Variants in TFCP2L1 observed in about 807,000 individuals in gnomAD.
TFCP2L1 encodes the protein transcription factor CP2-like protein 1.
A neutral mutation model predicts 72.2 loss-of-function variants in TFCP2L1; 12 were observed. The ratio of observed to expected loss-of-function variants is 0.17; its 90% CI spans 0.11 to 0.27. TFCP2L1 has a LOEUF of 0.27. TFCP2L1 is among the 10% of genes least tolerant of loss of function. The pLI, the probability that TFCP2L1 is intolerant of heterozygous loss-of-function variation, is 1.00. For missense variants in TFCP2L1, 488 were observed against 624.6 expected, an observed-to-expected ratio of 0.78 and a Z score of 2.33; for synonymous variants, 260 against 251.0, an observed-to-expected ratio of 1.04 and a Z score of -0.34.
In TFCP2L1 at chr2:121,235,398, G is replaced by A. The variant is rs1316054102; in HGVS notation, c.1004-87C>T. ...AACCAGCTGCAGACCCCATAGCACT[G>A]GGGGTGGGGGGTGGGGAAGAGCCAG... On this transcript the variant is annotated intron_variant, in intron 10 of 14. Coordinates refer to ENST00000263707, the MANE Select transcript of TFCP2L1 (RefSeq NM_014553.3). The A allele has an allele frequency of 4.8e-6, 6 of 1,261,202 alleles. No homozygotes were observed. The East Asian group carries it at 7.1e-5, about 15-fold the overall frequency. 78.1% of individuals were successfully genotyped at this position (1,261,202 alleles called of 1,614,324 possible).
chr2:121,283,538 C>A (rs775589435), intron 1 of TFCP2L1, among the ~76,000 whole-genome samples: 1 of 152,184 alleles, frequency 6.6e-6, no homozygotes, highest in Non-Finnish European at 1.5e-5. Flanking sequence ...TCACCCTCCT[C>A]CTTTCACCAA....
chr2:121,240,788 A>G, intron 7 of TFCP2L1: 1 of 963,112 alleles, frequency 1.0e-6, no homozygotes, highest in South Asian at 4.8e-5. Flanking sequence ...TCTGGCCTCT[A>G]ATCCATAAAT....
chr2:121,284,472 C>G lies in TFCP2L1; in HGVS notation c.62+576G>C, dbSNP rs1435428266. Among the ~76,000 whole-genome samples, 4 of 152,248 alleles carry G rather than the reference C, an allele frequency of 2.6e-5. No individual in the cohort carries two copies. In the East Asian group the frequency reaches 7.7e-4, roughly 29 times the overall value. On this transcript the variant is annotated intron_variant, in intron 1 of 14. Coordinates refer to ENST00000263707, the MANE Select transcript of TFCP2L1 (RefSeq NM_014553.3). Reference sequence around the variant, plus strand: ...AATCCCTCCAGCAGAAGAAAGATTTCCATCAAGGGCAATAACCACGCGGGC... The same window carrying G: ...AATCCCTCCAGCAGAAGAAAGATTTGCATCAAGGGCAATAACCACGCGGGC...
At chr2:121,274,639 A>G (rs946791131) in intron 2 of TFCP2L1, among the ~76,000 whole-genome samples, 1 of 152,186 alleles carries the variant, frequency 6.6e-6, no homozygotes, top group Non-Finnish European at 1.5e-5. Flanking sequence ...GAAAAGGGGT[A>G]TTCTTCAGCC....
chr2:121,228,772 CA>C (rs59300568), intron 13 of TFCP2L1, among the ~76,000 whole-genome samples: 13,025 of 55,504 alleles, frequency 0.23, 98 homozygotes, highest in South Asian at 0.37. Context: ...CCGTGACTCA[CA>C]AAAAAAAAAA....
chr2:121,233,013 C>A lies in TFCP2L1; in HGVS notation c.1199-1045G>T, dbSNP rs1686176279. 2.6e-5 allele frequency among the ~76,000 whole-genome samples: 4 copies of A among 152,234 alleles called. No homozygotes were observed. The South Asian group carries it at 8.3e-4, about 32-fold the overall frequency. On this transcript the variant is annotated intron_variant, in intron 12 of 14. Transcript: ENST00000263707. The stretch of plus-strand genomic sequence containing the variant: ...TTGGTTCAACAAACCTCATCAGAGG[C>A]CCAATATTTTAAAAGCACACACAGG...
At chr2:121,235,872 C>T (rs760956578) in intron 10 of TFCP2L1, among the ~76,000 whole-genome samples, 1 of 152,094 alleles carries the variant, frequency 6.6e-6, no homozygotes, top group Non-Finnish European at 1.5e-5. Context: ...TCAGAGCCAG[C>T]AGTGAAACAT....
intron 2 of TFCP2L1, among the ~76,000 whole-genome samples, chr2:121,267,938 T>C (rs922469763): frequency 1.3e-5 from 2 of 152,158 alleles, no homozygotes; most frequent in African/African-American, 4.8e-5. Context: ...CCCAGCACTG[T>C]GGAAGGCCAA....
rs747077081 is a variant in TFCP2L1, at chr2:121,237,842, G to T, written c.869C>A (p.Ser290Tyr). 6.2e-7 allele frequency: 1 copy of T among 1,614,090 alleles called. No individual in the cohort carries two copies. The highest frequency in any genetic ancestry group is 8.5e-7 in the Non-Finnish European group (1 of 1,180,012). Residue 290 changes from serine to tyrosine, a missense_variant, in exon 9 of 15, where the codon TCT becomes TAT. Physicochemically the swap from Ser to Tyr is moderately radical, Grantham distance 144. This residue lies in a region of TFCP2L1 where 286 missense variants were observed against 329.0 expected (regional missense o/e 0.87). Transcript: ENST00000263707. Reference sequence around the variant, plus strand: ...CAGGGCCTCCACCGGGTGGGTCGGAGAGGCGTTGCTGCAAGGAAAAGGAAC... The same window carrying T: ...CAGGGCCTCCACCGGGTGGGTCGGATAGGCGTTGCTGCAAGGAAAAGGAAC... The part of the protein sequence containing the change: ...NSFGLGEGNA[S>Y]PTHPVEALPV...
At chr2:121,266,414 C>T (rs958521398) in intron 2 of TFCP2L1, among the ~76,000 whole-genome samples, 4 of 152,138 alleles carry the variant, frequency 2.6e-5, no homozygotes, top group Non-Finnish European at 4.4e-5. Context: ...TAAATCATAA[C>T]CCTATTTCTG....
At chr2:121,241,052 G>C (rs1686356495) in intron 7 of TFCP2L1, among the ~76,000 whole-genome samples, 1 of 152,218 alleles carries the variant, frequency 6.6e-6, no homozygotes, top group South Asian at 2.1e-4. Context: ...GCCGGCAGGG[G>C]CCTTACCACA....
intron 5 of TFCP2L1, 116 bp downstream of exon 5, chr2:121,248,048 T>C: frequency 1.4e-6 from 1 of 740,180 alleles, no homozygotes; most frequent in Non-Finnish European, 2.2e-6. Context: ...TCCTTCCCAG[T>C]GACAGGGAGC....
chr2:121,273,214 C>T (rs1462778008), intron 2 of TFCP2L1, among the ~76,000 whole-genome samples: 1 of 151,278 alleles, frequency 6.6e-6, no homozygotes, highest in Admixed American at 6.6e-5. Context: ...CACCGCAAGT[C>T]ATTTTTGCAA....
intron 2 of TFCP2L1, among the ~76,000 whole-genome samples, chr2:121,266,431 C>A (rs1012868212): frequency 2.0e-5 from 3 of 152,166 alleles, no homozygotes; most frequent in African/African-American, 7.2e-5. Context: ...TCTGCAGTTA[C>A]CAGAGCAAGG....
intron 2 of TFCP2L1, among the ~76,000 whole-genome samples, chr2:121,262,397 G>A (rs773188623): frequency 2.0e-5 from 3 of 152,086 alleles, no homozygotes; most frequent in East Asian, 1.9e-4. Flanking sequence ...CCCGGGAGGC[G>A]AGGCTGCAGT....
rs929046519 is a variant in TFCP2L1, at chr2:121,285,169, C to G, written c.-60G>C. On this transcript the variant is annotated 5_prime_UTR_variant, in exon 1 of 15. Coordinates refer to ENST00000263707, the MANE Select transcript of TFCP2L1 (RefSeq NM_014553.3). ...CAGCAAGCGCAGACGCGGGGCGCGC[C>G]GAGGACCCAGCGGCGGCTTCGCGCT... The G allele has an allele frequency of 6.5e-6, 9 of 1,375,854 alleles. No homozygotes were observed. The highest frequency in any genetic ancestry group is 8.5e-6 in the Non-Finnish European group (9 of 1,059,488). 85.2% of individuals were successfully genotyped at this position (1,375,854 alleles called of 1,614,324 possible).
intron 6 of TFCP2L1, among the ~76,000 whole-genome samples, chr2:121,244,042 G>A (rs1246325047): frequency 3.3e-5 from 5 of 152,058 alleles, no homozygotes; most frequent in Non-Finnish European, 7.4e-5. Context: ...CAGATCCAGC[G>A]TCCCGGGTAA....
chr2:121,244,679 T>C (rs1686445312), intron 6 of TFCP2L1, among the ~76,000 whole-genome samples: 1 of 152,074 alleles, frequency 6.6e-6, no homozygotes, highest in Non-Finnish European at 1.5e-5. Context: ...CCTACCTCAA[T>C]TCTCTCCTAC....
Position 121,230,357 on chromosome 2 carries a change from G to A in TFCP2L1, c.1341+1469C>T, listed in dbSNP as rs182259649. ...CGGCTAATTTTGTATTTTTAGTAGA[G>A]ACAGGGGTTTCTCCATGTTGGCCAG... On this transcript the variant is annotated intron_variant, in intron 13 of 14. Transcript: ENST00000263707. Among the ~76,000 whole-genome samples, 31 of 152,250 alleles carry A rather than the reference G, an allele frequency of 2.0e-4. No individual in the cohort carries two copies. The East Asian group carries it at 3.7e-3, about 18-fold the overall frequency.
Sources: gnomAD v4.1 joint callset for allele counts (sites outside exome capture counted in the v4.1 genomes callset) on GRCh38, gnomAD v4.1.1 for gene constraint, gnomAD v4.1.1 regional missense constraint, MANE v1.5 for transcripts, NCBI Gene and HGNC (gene_info 2026-07-23, HGNC 2026-07-21) for gene names.